The following NELL1 variants were observed in gnomAD, a reference collection of about 807,000 sequenced individuals.
NELL1 encodes the protein protein kinase C-binding protein NELL1.
NELL1 carries 76 observed loss-of-function variants against 107.4 expected under a neutral mutation model. The ratio of observed to expected loss-of-function variants is 0.71; its 90% CI spans 0.59 to 0.86. The LOEUF (loss-of-function observed/expected upper bound fraction) is 0.86, where lower values mean the gene tolerates loss of function less well. Ranked by LOEUF, NELL1 falls within the 40% of genes least tolerant of loss-of-function variation. The pLI, the probability that NELL1 is intolerant of heterozygous loss-of-function variation, is 0.00. For synonymous variants in NELL1, 353 were observed against 341.2 expected (o/e 1.03, Z -0.38); for missense variants, 1,024 against 1,005.5 (o/e 1.02, Z -0.25).
chr11:20,747,184 C>G (rs910889765), intron 2 of NELL1, among the ~76,000 whole-genome samples: 3 of 152,088 alleles, frequency 2.0e-5, no homozygotes, highest in Non-Finnish European at 2.9e-5. Flanking sequence ...GTTAAGTAGT[C>G]TGTGTGGGCA....
At chr11:20,981,427 A>G (rs78230331) in intron 12 of NELL1, among the ~76,000 whole-genome samples, 2,328 of 152,264 alleles carry the variant, frequency 0.015, 53 homozygotes, top group African/African-American at 0.053. Flanking sequence ...ATGGCAAAAT[A>G]CATTTGAAAA....
intron 16 of NELL1, 90 bp from the exon 17 acceptor site, chr11:21,560,099 G>C (rs1856813137): frequency 3.3e-6 from 4 of 1,208,674 alleles, no homozygotes; most frequent in Non-Finnish European, 4.9e-6. Flanking sequence ...AATGGTCGAT[G>C]ATGTTAGTTA....
chr11:20,880,666 A>G (rs893599433), intron 4 of NELL1, among the ~76,000 whole-genome samples: 9 of 152,194 alleles, frequency 5.9e-5, no homozygotes, highest in Non-Finnish European at 7.3e-5. Flanking sequence ...GGTAAATTAT[A>G]CTAGTCACAA....
chr11:20,700,307 C>T lies in NELL1; in HGVS notation c.184+22247C>T, dbSNP rs190198515. ...CAGCCTGGCCAATATAGTGAAACCC[C>T]GTCTCTACTAAAAATACAAAAATTA... On this transcript the variant is annotated intron_variant, in intron 2 of 19. Transcript: ENST00000357134. Among the ~76,000 whole-genome samples, 915 of 151,880 alleles carry T rather than the reference C, an allele frequency of 6.0e-3. 11 individuals are homozygous for T. Among genetic ancestry groups the T allele is most frequent in the African/African-American group, 0.021 (869 of 41,400 alleles).
intron 14 of NELL1, among the ~76,000 whole-genome samples, chr11:21,358,130 T>G (rs2133732308): frequency 6.6e-6 from 1 of 152,196 alleles, no homozygotes; most frequent in Non-Finnish European, 1.5e-5. Context: ...CTATGTGGGG[T>G]CTTTTTCGGT....
rs138940380 is a variant in NELL1 at position 20,946,099 on chromosome 11, C to T, written c.1072-1237C>T. On this transcript the variant is annotated intron_variant, in intron 10 of 19. Transcript: ENST00000357134. ...TGACATATACAATTATGTTACTGTT[C>T]CAATTTAAGAATGGGTATTCCTGAT... 5.7e-3 allele frequency among the ~76,000 whole-genome samples: 864 copies of T among 152,216 alleles called. 9 individuals carry two copies. Among genetic ancestry groups the T allele is most frequent in the African/African-American group, 0.02 (815 of 41,528 alleles).
chr11:20,982,133 G>A (rs1220910272), intron 12 of NELL1, among the ~76,000 whole-genome samples: 1 of 152,126 alleles, frequency 6.6e-6, no homozygotes, highest in Non-Finnish European at 1.5e-5. Flanking sequence ...GGGGGTCCAA[G>A]TCTTGGCCCC....
At chr11:21,115,193 T>A (rs946574413) in intron 13 of NELL1, among the ~76,000 whole-genome samples, 1 of 152,034 alleles carries the variant, frequency 6.6e-6, no homozygotes, top group East Asian at 1.9e-4. Context: ...TCTTAAGAAC[T>A]GGCTCCACAA....
chr11:21,296,514 A>G (rs934487953), intron 14 of NELL1, among the ~76,000 whole-genome samples: 3 of 151,958 alleles, frequency 2.0e-5, no homozygotes, highest in Non-Finnish European at 4.4e-5. Context: ...AATCTTGAAA[A>G]AATACAAATG....
At chr11:21,346,621 G>A (rs1449570417) in intron 14 of NELL1, among the ~76,000 whole-genome samples, 5 of 147,160 alleles carry the variant, frequency 3.4e-5, no homozygotes, top group African/African-American at 4.9e-5. Context: ...TATATATGCT[G>A]TATCAAATAT....
chr11:21,013,181 C>G (rs1852485698), intron 12 of NELL1, among the ~76,000 whole-genome samples: 1 of 152,170 alleles, frequency 6.6e-6, no homozygotes, highest in Non-Finnish European at 1.5e-5. Flanking sequence ...ATCTCTTTTA[C>G]TGTCACAATT....
chr11:21,524,225 T>A lies in NELL1; in HGVS notation c.1646-10149T>A, dbSNP rs1192513650. ...TTACTGTGGGTATGTTATTTAAACA[T>A]GTACACCTCCATTTTCAGTAAAATT... On this transcript the variant is annotated intron_variant, in intron 15 of 19. Coordinates refer to ENST00000357134, the MANE Select transcript of NELL1 (RefSeq NM_006157.5). Among the ~76,000 whole-genome samples the A allele has an allele frequency of 3.3e-5, 5 of 152,290 alleles. No individual in the cohort carries two copies. In the South Asian group the frequency reaches 1.0e-3, roughly 32 times the overall value.
intron 16 of NELL1, among the ~76,000 whole-genome samples, chr11:21,556,775 C>G (rs1048250942): frequency 3.0e-4 from 46 of 151,892 alleles, no homozygotes; most frequent in African/African-American, 1.1e-3. Context: ...TTCATTCGAG[C>G]ATGAAGCATT....
intron 13 of NELL1, among the ~76,000 whole-genome samples, chr11:21,192,452 A>G (rs1482225709): frequency 1.3e-5 from 2 of 151,862 alleles, no homozygotes; most frequent in Non-Finnish European, 2.9e-5. Context: ...TATTTGTCTC[A>G]CTGTTTGAAG....
At chr11:20,948,229 T>A (rs555184836) in intron 11 of NELL1, among the ~76,000 whole-genome samples, 126 of 152,076 alleles carry the variant, frequency 8.3e-4, no homozygotes, top group Middle Eastern at 3.4e-3. Flanking sequence ...TTATTTATTT[T>A]TTTTTTAGAG....
chr11:20,689,124 T>C (rs1165317960), intron 2 of NELL1, among the ~76,000 whole-genome samples: 4 of 152,090 alleles, frequency 2.6e-5, no homozygotes, highest in African/African-American at 9.7e-5. Flanking sequence ...AATATTGTTA[T>C]TTGGTTTTTG....
At chr11:20,841,319 G>GTTT (rs397772940) in intron 3 of NELL1, among the ~76,000 whole-genome samples, 2,391 of 123,462 alleles carry the variant, frequency 0.019, 30 homozygotes, top group Middle Eastern at 0.03. Context: ...CTCTGCTCAT[G>GTTT]TTTTTTTTTT....
Position 20,783,665 on chromosome 11 carries a change from C to T in NELL1, c.185-15C>T, listed in dbSNP as rs1341381435. 2 of 1,606,584 alleles carry T rather than the reference C, an allele frequency of 1.2e-6. No individual in the cohort carries two copies. The highest frequency in any genetic ancestry group is 1.7e-5 in the Admixed American group (1 of 59,458). On this transcript the variant is annotated splice_polypyrimidine_tract_variant and intron_variant, in intron 2 of 19. Coordinates refer to ENST00000357134, the MANE Select transcript of NELL1 (RefSeq NM_006157.5). ...TCCTCTCCTGTTTCCTCCTGCTTTT[C>T]TTCTTGATTCCTAGACATAGAAAGA...
At chr11:21,446,472 C>A (rs1245028970) in intron 15 of NELL1, among the ~76,000 whole-genome samples, 1 of 152,078 alleles carries the variant, frequency 6.6e-6, no homozygotes, top group African/African-American at 2.4e-5. Context: ...TTGTTACTAC[C>A]CATCCTTTTT....
Sources: gnomAD v4.1 joint callset for allele counts (sites outside exome capture counted in the v4.1 genomes callset) on GRCh38, gnomAD v4.1.1 for gene constraint, MANE v1.5 for transcripts, NCBI Gene and HGNC (gene_info 2026-07-23, HGNC 2026-07-21) for gene names.